The following MRTFB variants were observed in gnomAD, a reference collection of about 807,000 sequenced individuals.
MRTFB encodes myocardin related transcription factor B.
Under a neutral mutation model 104.2 loss-of-function variants are expected in MRTFB, and 29 were observed. The observed-to-expected ratio is 0.28, with a 90% CI of 0.21 to 0.38. The LOEUF (loss-of-function observed/expected upper bound fraction) is 0.38. Ranked by LOEUF, MRTFB falls within the 10% of genes least tolerant of loss-of-function variation. MRTFB has a pLI of 1.00. For missense variants in MRTFB, 1,270 were observed against 1,341.6 expected (o/e 0.95, Z 0.83); for synonymous variants, 535 against 519.5 (o/e 1.03, Z -0.41).
At chr16:14,041,774 A>G in the MRTFB span, among the ~76,000 whole-genome samples, 1 of 151,614 alleles carries the variant, frequency 6.6e-6, no homozygotes, top group Non-Finnish European at 1.5e-5. Context: ...TAAAAATACA[A>G]AATTAGCCAG....
intron 3 of MRTFB, among the ~76,000 whole-genome samples, chr16:14,201,424 G>T (rs1298659686): frequency 2.0e-5 from 3 of 152,222 alleles, no homozygotes; most frequent in African/African-American, 7.2e-5. Flanking sequence ...CATGGTAAGA[G>T]TGAGCACTTT....
In MRTFB at chr16:14,265,730, G is replaced by A. The variant is rs1269977351; in HGVS notation, c.*4286G>A. On this transcript the variant is annotated 3_prime_UTR_variant, in exon 17 of 17. Transcript: ENST00000571589. ...GCCTACAATTCGAAAAGCTGCACAT[G>A]TTTACAGAAGAGCTCTTACCCTCCA... The A allele has an allele frequency of 6.6e-6, 1 of 152,214 alleles. No individual in the cohort carries two copies. The highest frequency in any genetic ancestry group is 1.9e-4 in the East Asian group (1 of 5,200). 9.4% of individuals were successfully genotyped at this position (152,214 alleles called of 1,614,324 possible).
intron 5 of MRTFB, among the ~76,000 whole-genome samples, chr16:14,213,044 A>G (rs1231557988): frequency 2.0e-5 from 3 of 152,250 alleles, no homozygotes; most frequent in Non-Finnish European, 2.9e-5. Flanking sequence ...CTAGAATGCA[A>G]TAATGATTTC....
chr16:14,257,582 G>A (rs941070981), intron 15 of MRTFB, among the ~76,000 whole-genome samples: 3 of 143,900 alleles, frequency 2.1e-5, no homozygotes, highest in Non-Finnish European at 3.2e-5. Flanking sequence ...GTTGCCTACG[G>A]ATGAGGGGAT....
At chr16:14,116,587 G>A (rs578147107) in intron 2 of MRTFB, among the ~76,000 whole-genome samples, 9 of 151,764 alleles carry the variant, frequency 5.9e-5, no homozygotes, top group African/African-American at 1.7e-4. Context: ...GCTTCTAGAC[G>A]TGGTTCTAAA....
intron 2 of MRTFB, among the ~76,000 whole-genome samples, chr16:14,092,515 T>G (rs2035140315): frequency 6.6e-6 from 1 of 152,186 alleles, no homozygotes; most frequent in African/African-American, 2.4e-5. Context: ...GTAATGAAAT[T>G]GTGCCTTTTC....
chr16:14,125,190 A>G (rs779424330), intron 2 of MRTFB, among the ~76,000 whole-genome samples: 14 of 152,226 alleles, frequency 9.2e-5, no homozygotes, highest in Non-Finnish European at 1.8e-4. Context: ...TGTTACATCA[A>G]CATGGATGAA....
In MRTFB at chr16:14,246,940, G is replaced by A. The variant is rs1185489083; in HGVS notation, c.1680G>A (p.Leu560=). ...GTCTGAGTCCCACCAGCAGCACTCTGTCAAACCTGGAACTGGATGCAGCCG... is the reference window on the plus strand; with the variant it reads ...GTCTGAGTCCCACCAGCAGCACTCTATCAAACCTGGAACTGGATGCAGCCG... ...EDSLSPTSST[L]SNLELDAAEK... The change falls in exon 12 of 17, where the codon CTG becomes CTA. Residue 560 remains leucine, a synonymous_variant. Transcript: ENST00000571589. 3 of 1,613,928 alleles carry A rather than the reference G, an allele frequency of 1.9e-6. No individual in the cohort carries two copies. The highest frequency in any genetic ancestry group is 1.3e-5 in the African/African-American group (1 of 74,924).
At position 14,260,997 on chromosome 16, in the gene MRTFB, A is replaced by T; in HGVS notation, c.2853A>T (p.Thr951=). 6.2e-7 allele frequency: 1 copy of T among 1,614,148 alleles called. No homozygotes were observed. Among genetic ancestry groups the T allele is most frequent in the Non-Finnish European group, 8.5e-7 (1 of 1,179,986 alleles). The change falls in exon 17 of 17, where the codon ACA becomes ACT. Residue 951 remains threonine, a synonymous_variant. Coordinates refer to ENST00000571589, the MANE Select transcript of MRTFB (RefSeq NM_001308142.2). ...TASITTMPVN[T]VVSRPPPQVQ... ...GCATCACCACAATGCCAGTGAATAC[A>T]GTGGTGTCCCGGCCACCACCCCAAG...
chr16:14,112,237 A>G (rs72783475), intron 2 of MRTFB, among the ~76,000 whole-genome samples: 8,728 of 152,148 alleles, frequency 0.057, 496 homozygotes, highest in East Asian at 0.29. Flanking sequence ...CCCCGGTGGG[A>G]TTAACGGATT....
chr16:14,180,000 G>GC (rs1456810823), intron 3 of MRTFB, among the ~76,000 whole-genome samples: 1 of 152,212 alleles, frequency 6.6e-6, no homozygotes, highest in Non-Finnish European at 1.5e-5. Context: ...GACCCTACTA[G>GC]CAGTGCATGG....
At chr16:14,124,508 A>G (rs1346316518) in intron 2 of MRTFB, among the ~76,000 whole-genome samples, 3 of 152,222 alleles carry the variant, frequency 2.0e-5, no homozygotes, top group Non-Finnish European at 2.9e-5. Context: ...CATTTTCTGC[A>G]TCTATTGAGA....
chr16:14,214,686 C>T (rs1019864553), intron 6 of MRTFB, among the ~76,000 whole-genome samples: 2 of 152,112 alleles, frequency 1.3e-5, no homozygotes, highest in Non-Finnish European at 2.9e-5. Flanking sequence ...ACAAGCAAAA[C>T]AAGTGAATTA....
the MRTFB span, among the ~76,000 whole-genome samples, chr16:14,041,975 G>T: frequency 1.5e-4 from 23 of 152,134 alleles, 2 homozygotes. Flanking sequence ...ATCCAGAAGT[G>T]GGTCTGCTGG....
rs541664642 is a variant in MRTFB at position 14,252,262 on chromosome 16, C to T, written c.2566-103C>T. Reference sequence around the variant, plus strand: ...CTTAAAAGAACCTGCTCATGAATTCCCTGATTTGGCCACTACATAGAGAAC... The same window carrying T: ...CTTAAAAGAACCTGCTCATGAATTCTCTGATTTGGCCACTACATAGAGAAC... On this transcript the variant is annotated intron_variant, in intron 14 of 16. Coordinates refer to ENST00000571589, the MANE Select transcript of MRTFB (RefSeq NM_001308142.2). 1.4e-5 allele frequency: 21 copies of T among 1,499,368 alleles called. No individual in the cohort carries two copies. In the East Asian group the frequency reaches 4.6e-4, roughly 33 times the overall value. The allele number at this position is 1,499,368 out of a possible 1,614,324, so 92.9% of individuals were successfully genotyped here.
rs75611021 is a variant in MRTFB, at chr16:14,154,501, T to G, written c.154+13741T>G. Among the ~76,000 whole-genome samples, 814 of 152,338 alleles carry G rather than the reference T, an allele frequency of 5.3e-3. 6 individuals carry two copies. Among genetic ancestry groups the G allele is most frequent in the African/African-American group, 0.019 (779 of 41,570 alleles). On this transcript the variant is annotated intron_variant, in intron 3 of 16. Coordinates refer to ENST00000571589, the MANE Select transcript of MRTFB (RefSeq NM_001308142.2). Reference sequence around the variant, plus strand: ...ATTTTAATTGCAATATTTAGATCATTTACATTTAAGGTAATTATTGGTATA... The same window carrying G: ...ATTTTAATTGCAATATTTAGATCATGTACATTTAAGGTAATTATTGGTATA...
the MRTFB span, among the ~76,000 whole-genome samples, chr16:14,054,893 A>G: frequency 6.6e-6 from 1 of 152,252 alleles, no homozygotes; most frequent in African/African-American, 2.4e-5. Flanking sequence ...GTAAACAGGT[A>G]AACTGAGCAC....
At chr16:14,019,817 C>A in the MRTFB span, among the ~76,000 whole-genome samples, 1 of 140,486 alleles carries the variant, frequency 7.1e-6, no homozygotes, top group African/African-American at 2.4e-5. Context: ...ATTCCCTCAG[C>A]TATTATAGAT....
At chr16:14,079,500 A>G in intron 2 of MRTFB, 146 bp downstream of exon 2, 1 of 303,656 alleles carries the variant, frequency 3.3e-6, no homozygotes, top group Non-Finnish European at 6.0e-6. Context: ...TTCTTAAGGT[A>G]GATGCCAGGA....
Sources: allele counts gnomAD v4.1 joint callset (sites outside exome capture counted in the v4.1 genomes callset), GRCh38; gene constraint gnomAD v4.1.1; transcripts MANE v1.5; gene names NCBI Gene and HGNC (gene_info 2026-07-23, HGNC 2026-07-21).